Variants in PVT1 observed in about 807,000 individuals in gnomAD.
The protein encoded by PVT1 is Pvt1 oncogene, also known as CXCR4/PVT1 fusion.
At chr8:127,878,975 C>G (rs906974923) in intron 2 of PVT1, among the ~76,000 whole-genome samples, 1 of 152,182 alleles carries the variant, frequency 6.6e-6, no homozygotes, top group Non-Finnish European at 1.5e-5. Flanking sequence ...TGACAGGGAG[C>G]CAGTCTGGAG....
At chr8:127,876,859 A>C (rs1815411241) in intron 2 of PVT1, among the ~76,000 whole-genome samples, 1 of 152,162 alleles carries the variant, frequency 6.6e-6, no homozygotes, top group Non-Finnish European at 1.5e-5. Context: ...ATTTGGACTT[A>C]CCCAGAATCC....
rs563474198 is a variant in PVT1 at position 128,026,365 on chromosome 8, G to T, written n.912+37074G>T. Among the ~76,000 whole-genome samples, 28 of 152,130 alleles carry T rather than the reference G, an allele frequency of 1.8e-4. No individual in the cohort carries two copies. The East Asian group carries it at 5.4e-3, about 29-fold the overall frequency. ...TGTGCTCAAATAAAGTGAGAGTAGGGAGAGAGAAATTCATGTTTCTCTGCT... is the reference window on the plus strand; with the variant it reads ...TGTGCTCAAATAAAGTGAGAGTAGGTAGAGAGAAATTCATGTTTCTCTGCT... On this transcript the variant is annotated intron_variant and non_coding_transcript_variant, in intron 4 of 10. Coordinates refer to ENST00000651587, the Ensembl canonical transcript of PVT1.
At chr8:127,839,683 G>A (rs1814951349) in intron 2 of PVT1, among the ~76,000 whole-genome samples, 1 of 152,100 alleles carries the variant, frequency 6.6e-6, no homozygotes, top group African/African-American at 2.4e-5. Context: ...TGGGTCATGA[G>A]CCCGTGCATC....
At chr8:128,072,360 G>A (rs916515690) in intron 5 of PVT1, among the ~76,000 whole-genome samples, 5 of 152,262 alleles carry the variant, frequency 3.3e-5, no homozygotes, top group South Asian at 2.1e-4. Flanking sequence ...AAGACACAGC[G>A]CTCAATTCCT....
chr8:127,867,561 A>T (rs1344466861), intron 2 of PVT1, among the ~76,000 whole-genome samples: 1 of 152,084 alleles, frequency 6.6e-6, no homozygotes. Context: ...TTCGATCCTC[A>T]CTCTGCCTTC....
chr8:127,927,606 T>G (rs1816146393), intron 3 of PVT1, among the ~76,000 whole-genome samples: 1 of 151,860 alleles, frequency 6.6e-6, no homozygotes, highest in East Asian at 1.9e-4. Flanking sequence ...AATGTGGGGG[T>G]GTATGAAGAG....
chr8:127,951,286 C>T (rs1001620634), intron 3 of PVT1, among the ~76,000 whole-genome samples: 2 of 152,212 alleles, frequency 1.3e-5, no homozygotes, highest in African/African-American at 4.8e-5. Context: ...CCTTCTACCC[C>T]AGTGCACTGC....
At chr8:127,973,220 C>T (rs753590694) in intron 3 of PVT1, among the ~76,000 whole-genome samples, 13 of 152,272 alleles carry the variant, frequency 8.5e-5, no homozygotes, top group Middle Eastern at 3.4e-3. Context: ...AGTCATTTAC[C>T]TGTGTGCCCT....
intron 3 of PVT1, among the ~76,000 whole-genome samples, chr8:127,980,595 A>G (rs561242018): frequency 3.9e-5 from 6 of 152,234 alleles, no homozygotes; most frequent in African/African-American, 7.2e-5. Flanking sequence ...CCTGTCCACC[A>G]TAGGAAATTC....
intron 2 of PVT1, among the ~76,000 whole-genome samples, chr8:127,805,373 AAAAC>A (rs894451036): frequency 5.9e-5 from 9 of 152,184 alleles, no homozygotes; most frequent in Non-Finnish European, 1.2e-4. Context: ...AATTAAAAAA[AAAAC>A]AAATTCTCAG....
At chr8:127,833,493 C>T (rs1298883406) in intron 2 of PVT1, among the ~76,000 whole-genome samples, 1 of 151,174 alleles carries the variant, frequency 6.6e-6, no homozygotes, top group African/African-American at 2.4e-5. Context: ...GGGTCTTGCT[C>T]TGTCGCCCAG....
At chr8:127,914,007 C>T (rs1476817617) in intron 3 of PVT1, among the ~76,000 whole-genome samples, 1 of 152,006 alleles carries the variant, frequency 6.6e-6, no homozygotes, top group Admixed American at 6.6e-5. Flanking sequence ...GATGAATAGG[C>T]TTGAGGCAGC....
At chr8:127,922,314 A>C (rs1171154115) in intron 3 of PVT1, among the ~76,000 whole-genome samples, 1 of 146,246 alleles carries the variant, frequency 6.8e-6, no homozygotes, top group Admixed American at 6.9e-5. Context: ...ACAAGTGACA[A>C]AAGTCACCCC....
chr8:127,985,025 CCTTCCTTCCTTTCCTT>C (rs1816947032), intron 3 of PVT1, among the ~76,000 whole-genome samples: 1 of 139,878 alleles, frequency 7.1e-6, no homozygotes, highest in Non-Finnish European at 1.5e-5. Flanking sequence ...TTCCTTCCTT[CCTTCCTTCCTTTCCTT>C]CTTTTTTTTT....
intron 2 of PVT1, among the ~76,000 whole-genome samples, chr8:127,865,958 A>G (rs1001885356): frequency 2.0e-5 from 3 of 152,142 alleles, no homozygotes; most frequent in Non-Finnish European, 4.4e-5. Context: ...CCTGGCAGGG[A>G]TGGCTTAAGT....
intron 2 of PVT1, among the ~76,000 whole-genome samples, chr8:127,844,582 G>C (rs752536980): frequency 5.3e-5 from 8 of 152,260 alleles, no homozygotes; most frequent in Non-Finnish European, 7.4e-5. Context: ...CTTTAGAATA[G>C]GCTGCCAGAG....
intron 4 of PVT1, among the ~76,000 whole-genome samples, chr8:128,004,766 G>C (rs7003629): frequency 0.66 from 100,241 of 152,098 alleles, 33,562 homozygotes; most frequent in African/African-American, 0.77. Flanking sequence ...TGATTTTCCA[G>C]TCTTTGTTAC....
At chr8:128,092,567 C>G (rs1236659484) in intron 5 of PVT1, among the ~76,000 whole-genome samples, 1 of 152,350 alleles carries the variant, frequency 6.6e-6, no homozygotes, top group East Asian at 1.9e-4. Context: ...TAGGGGCTGC[C>G]TGTCCTGCCA....
intron 4 of PVT1, among the ~76,000 whole-genome samples, chr8:128,066,534 C>G (rs960359887): frequency 6.6e-6 from 1 of 152,230 alleles, no homozygotes; most frequent in African/African-American, 2.4e-5. Flanking sequence ...AATACTAATA[C>G]AACCTGCAAG....
Sources: gnomAD v4.1 joint callset for allele counts (sites outside exome capture counted in the v4.1 genomes callset) on GRCh38, gnomAD v4.1.1 for gene constraint, MANE v1.5 for transcripts, NCBI Gene and HGNC (gene_info 2026-07-23, HGNC 2026-07-21) for gene names.